Variants in NRP1 observed in about 807,000 individuals in gnomAD.
NRP1 encodes the protein neuropilin-1.
In NRP1, 35 loss-of-function variants were observed where a neutral mutation model predicts 106.7. That is an observed-to-expected ratio of 0.33 (90% confidence interval 0.25 to 0.43). NRP1 has a LOEUF of 0.43. Ranked by LOEUF, NRP1 falls within the 20% of genes least tolerant of loss-of-function variation. The pLI is 1.00. For synonymous variants in NRP1, 437 were observed against 417.9 expected (o/e 1.05, Z -0.56); for missense variants, 1,024 against 1,170.4 (o/e 0.87, Z 1.83).
At chr10:33,285,116 G>A (rs116480601) in intron 2 of NRP1, among the ~76,000 whole-genome samples, 346 of 152,296 alleles carry the variant, frequency 2.3e-3, no homozygotes, top group African/African-American at 7.6e-3. Context: ...AAACAAGTAC[G>A]ATGCTGATAC....
At chr10:33,184,497 C>T (rs1254742655) in intron 15 of NRP1, among the ~76,000 whole-genome samples, 1 of 152,230 alleles carries the variant, frequency 6.6e-6, no homozygotes, top group African/African-American at 2.4e-5. Flanking sequence ...ATCACTCTCA[C>T]TTTGGAATGG....
chr10:33,230,102 A>G (rs1248438150), intron 6 of NRP1, among the ~76,000 whole-genome samples: 2 of 151,958 alleles, frequency 1.3e-5, no homozygotes, highest in Non-Finnish European at 2.9e-5. Context: ...TTAGTGTGCA[A>G]CCCTCACTGC....
At chr10:33,187,456 T>C (rs2132603480) in intron 13 of NRP1, among the ~76,000 whole-genome samples, 1 of 152,352 alleles carries the variant, frequency 6.6e-6, no homozygotes, top group South Asian at 2.1e-4. Flanking sequence ...AGCTTGAATC[T>C]CTACTGTGAG....
intron 2 of NRP1, among the ~76,000 whole-genome samples, chr10:33,326,692 C>T (rs1481261289): frequency 6.6e-6 from 1 of 152,134 alleles, no homozygotes; most frequent in African/African-American, 2.4e-5. Flanking sequence ...GTAATGAAAC[C>T]TCATTCAGTG....
chr10:33,234,111 G>T (rs1035097629), intron 6 of NRP1, among the ~76,000 whole-genome samples: 1 of 152,136 alleles, frequency 6.6e-6, no homozygotes, highest in Non-Finnish European at 1.5e-5. Flanking sequence ...TGATGGCTAA[G>T]GCTAAAATTA....
chr10:33,262,869 A>G (rs993536904), intron 4 of NRP1, among the ~76,000 whole-genome samples: 6 of 152,260 alleles, frequency 3.9e-5, no homozygotes, highest in African/African-American at 1.4e-4. Context: ...TCATGCACAT[A>G]ATTCATTTAT....
intron 2 of NRP1, among the ~76,000 whole-genome samples, chr10:33,273,778 C>T (rs745884681): frequency 2.9e-4 from 44 of 152,204 alleles, no homozygotes; most frequent in Non-Finnish European, 5.0e-4. Context: ...AGAGTTGACC[C>T]CTCTGTCTGT....
chr10:33,328,664 G>T (rs1363544141), intron 2 of NRP1, among the ~76,000 whole-genome samples: 1 of 152,118 alleles, frequency 6.6e-6, no homozygotes, highest in African/African-American at 2.4e-5. Context: ...AACCAACTGT[G>T]CACATTTCTT....
chr10:33,197,209 C>T (rs914612795), intron 12 of NRP1, among the ~76,000 whole-genome samples: 9 of 152,164 alleles, frequency 5.9e-5, no homozygotes, highest in Admixed American at 3.9e-4. Flanking sequence ...TTTTGTGGCA[C>T]GCCCACTGGA....
intron 2 of NRP1, among the ~76,000 whole-genome samples, chr10:33,293,094 G>A (rs148616729): frequency 9.7e-4 from 148 of 152,160 alleles, no homozygotes; most frequent in Middle Eastern, 3.4e-3. Context: ...ACAGGCTTCC[G>A]ATTTGTCTTG....
chr10:33,272,356 G>A (rs552443963), intron 2 of NRP1, among the ~76,000 whole-genome samples: 113 of 152,288 alleles, frequency 7.4e-4, no homozygotes, highest in African/African-American at 2.6e-3. Flanking sequence ...TGCTACATAT[G>A]ATGCTTCCAG....
At chr10:33,191,977 CAAAAAAAAAAAAA>C (rs58214479) in intron 13 of NRP1, among the ~76,000 whole-genome samples, 2 of 71,744 alleles carry the variant, frequency 2.8e-5, no homozygotes, top group African/African-American at 8.1e-5. Flanking sequence ...GACTCCATTT[CAAAAAAAAAAAAA>C]AAAAAAAAAA....
At chr10:33,186,607 G>A (rs558820340) in intron 13 of NRP1, 119 bp from the exon 14 acceptor site, 15 of 1,169,602 alleles carry the variant, frequency 1.3e-5, no homozygotes, top group Middle Eastern at 2.1e-4. Context: ...ACCCAAATAC[G>A]TAGTGGAAAG....
intron 2 of NRP1, among the ~76,000 whole-genome samples, chr10:33,289,261 T>TA (rs1844809339): frequency 6.6e-6 from 1 of 152,110 alleles, no homozygotes; most frequent in Non-Finnish European, 1.5e-5. Context: ...TTAAACCTTA[T>TA]AAAAATAGCC....
chr10:33,200,421 C>T (rs1034062793), intron 11 of NRP1, among the ~76,000 whole-genome samples: 15 of 152,114 alleles, frequency 9.9e-5, no homozygotes, highest in African/African-American at 2.7e-4. Context: ...TACAGTACAC[C>T]TGGAATTTGG....
chr10:33,197,613 A>G, intron 12 of NRP1, 37 bp downstream of exon 12: 1 of 1,548,900 alleles, frequency 6.5e-7, no homozygotes, highest in South Asian at 1.2e-5. Flanking sequence ...GAAGAGAGGT[A>G]CATGGAATCT....
chr10:33,190,348 T>C (rs577232228), intron 13 of NRP1, among the ~76,000 whole-genome samples: 1 of 152,352 alleles, frequency 6.6e-6, no homozygotes, highest in Non-Finnish European at 1.5e-5. Flanking sequence ...TTGATGCCAT[T>C]TATATGTACA....
intron 8 of NRP1, among the ~76,000 whole-genome samples, chr10:33,215,401 T>C (rs765222126): frequency 1.3e-5 from 2 of 152,214 alleles, no homozygotes; most frequent in Non-Finnish European, 2.9e-5. Flanking sequence ...GATTATAAGA[T>C]CTTCAAAGGC....
At chr10:33,241,644 T>C (rs546578755) in intron 6 of NRP1, among the ~76,000 whole-genome samples, 31 of 151,370 alleles carry the variant, frequency 2.0e-4, no homozygotes, top group African/African-American at 6.6e-4. Flanking sequence ...TGTATGTGTG[T>C]GGTGGTGGTG....
Sources: allele counts gnomAD v4.1 joint callset (sites outside exome capture counted in the v4.1 genomes callset), GRCh38; gene constraint gnomAD v4.1.1; transcripts MANE v1.5; gene names NCBI Gene and HGNC (gene_info 2026-07-23, HGNC 2026-07-21).